FOCAD: variants seen among roughly 807,000 people sequenced by gnomAD.
FOCAD encodes the protein KIAA1797.
In FOCAD, 198 loss-of-function variants were observed where a neutral mutation model predicts 225.6. The observed-to-expected ratio is 0.88, with a 90% CI of 0.78 to 0.99. The LOEUF is 0.99. Among genes scored for constraint, FOCAD ranks in the 50% least tolerant of loss-of-function variants. The pLI is 0.00. For synonymous variants in FOCAD, 897 were observed against 755.0 expected, an observed-to-expected ratio of 1.19 and a Z score of -3.08; for missense variants, 2,713 against 2,123.6, an observed-to-expected ratio of 1.28 and a Z score of -5.46.
chr9:20,958,774 G>C (rs547558876), intron 35 of FOCAD, among the ~76,000 whole-genome samples: 1 of 152,130 alleles, frequency 6.6e-6, no homozygotes, highest in African/African-American at 2.4e-5. Context: ...CCACATATGA[G>C]TGAGAACATG....
intron 11 of FOCAD, among the ~76,000 whole-genome samples, chr9:20,794,636 A>C (rs923765896): frequency 3.3e-5 from 5 of 152,200 alleles, no homozygotes; most frequent in Non-Finnish European, 5.9e-5. Context: ...CAATACCATA[A>C]TATGTTTCCA....
At chr9:20,837,399 T>A (rs1448646160) in intron 15 of FOCAD, among the ~76,000 whole-genome samples, 2 of 152,094 alleles carry the variant, frequency 1.3e-5, no homozygotes, top group Non-Finnish European at 2.9e-5. Flanking sequence ...TCAGAGGAGC[T>A]GGGCTCAGTG....
At chr9:20,861,169 G>C (rs1242321865) in intron 15 of FOCAD, among the ~76,000 whole-genome samples, 1 of 152,156 alleles carries the variant, frequency 6.6e-6, no homozygotes, top group Non-Finnish European at 1.5e-5. Context: ...ATAGTTTAAA[G>C]TCATATCATA....
At chr9:20,979,207 A>G (rs566897483) in intron 37 of FOCAD, among the ~76,000 whole-genome samples, 2 of 152,374 alleles carry the variant, frequency 1.3e-5, no homozygotes, top group African/African-American at 4.8e-5. Context: ...AAATGCTGTC[A>G]TCTTTTAATT....
chr9:20,775,057 C>T lies in FOCAD; in HGVS notation c.907-3624C>T, dbSNP rs181644731. Among the ~76,000 whole-genome samples, 552 of 152,286 alleles carry T rather than the reference C, an allele frequency of 3.6e-3. 2 individuals carry two copies. The highest frequency in any genetic ancestry group is 0.012 in the South Asian group (57 of 4,828). On this transcript the variant is annotated intron_variant, in intron 8 of 43. Coordinates refer to ENST00000338382, the MANE Select transcript of FOCAD (RefSeq NM_001375567.1). ...TGACACCATACCCACATTTCTGTAT[C>T]GCTGGGTTTATCAGCTGGATGTCTT...
In FOCAD at chr9:20,929,223, T is replaced by TA. The variant is rs1053998683; in HGVS notation, c.3079-129dup. 7.6e-6 allele frequency: 5 copies of TA among 657,232 alleles called. No homozygotes were observed. In the Admixed American group the frequency reaches 1.1e-4, roughly 14 times the overall value. 40.7% of individuals were successfully genotyped at this position (657,232 alleles called of 1,614,324 possible). On this transcript the variant is annotated intron_variant, in intron 26 of 43. Transcript: ENST00000338382. The stretch of plus-strand genomic sequence containing the variant: ...CTATAGACAAAAACGTTTGGATTTT[T>TA]AAAAAATGTATTATTTTGGGTGTCG...
intron 15 of FOCAD, among the ~76,000 whole-genome samples, chr9:20,824,062 G>T (rs1824622383): frequency 6.6e-6 from 1 of 152,040 alleles, no homozygotes; most frequent in South Asian, 2.1e-4. Context: ...CATCATTGCT[G>T]TTTAAAAACT....
chr9:20,972,741 A>G (rs1839872097), intron 35 of FOCAD, among the ~76,000 whole-genome samples: 1 of 151,988 alleles, frequency 6.6e-6, no homozygotes, highest in Non-Finnish European at 1.5e-5. Context: ...CTGATTCCAC[A>G]TAGCTTCTCC....
chr9:20,773,516 C>G (rs78810221), intron 8 of FOCAD, among the ~76,000 whole-genome samples: 1 of 152,158 alleles, frequency 6.6e-6, no homozygotes, highest in Admixed American at 6.6e-5. Context: ...AACTTTGAAA[C>G]CATCACACAG....
intron 15 of FOCAD, among the ~76,000 whole-genome samples, chr9:20,838,542 A>G (rs1407971623): frequency 1.3e-5 from 2 of 152,136 alleles, no homozygotes; most frequent in Non-Finnish European, 2.9e-5. Context: ...AAGTGATGTC[A>G]TTGACCTTAT....
intron 26 of FOCAD, 32 bp from the exon 27 acceptor site, chr9:20,929,326 T>C (rs745444829): frequency 1.9e-6 from 3 of 1,573,266 alleles, no homozygotes; most frequent in Non-Finnish European, 2.6e-6. Context: ...TGTTTAAGGC[T>C]AACCCTGTTT....
chr9:20,780,982 G>T (rs1435525709), intron 9 of FOCAD, among the ~76,000 whole-genome samples: 1 of 152,056 alleles, frequency 6.6e-6, no homozygotes, highest in Non-Finnish European at 1.5e-5. Context: ...GCTGTAGTGG[G>T]GAAATCAGTT....
At chr9:20,782,338 A>C (rs550134642) in intron 10 of FOCAD, among the ~76,000 whole-genome samples, 3 of 152,220 alleles carry the variant, frequency 2.0e-5, no homozygotes, top group Non-Finnish European at 2.9e-5. Context: ...GGAAGTTCTC[A>C]TATCAGTAAG....
At chr9:20,850,758 A>C (rs1176797119) in intron 15 of FOCAD, among the ~76,000 whole-genome samples, 1 of 151,026 alleles carries the variant, frequency 6.6e-6, no homozygotes, top group South Asian at 2.1e-4. Context: ...CATCTGGTAC[A>C]TAATTGCTCT....
intron 4 of FOCAD, among the ~76,000 whole-genome samples, chr9:20,732,306 C>G (rs977136339): frequency 2.0e-5 from 3 of 152,152 alleles, no homozygotes; most frequent in Non-Finnish European, 4.4e-5. Context: ...GTGGTAAAAG[C>G]AGGCTTTCCT....
At chr9:20,730,611 C>G (rs1397809643) in intron 4 of FOCAD, among the ~76,000 whole-genome samples, 1 of 152,086 alleles carries the variant, frequency 6.6e-6, no homozygotes, top group Non-Finnish European at 1.5e-5. Flanking sequence ...AATCTTATTG[C>G]TATTCAGTGA....
At position 20,916,758 on chromosome 9, in the gene FOCAD, T is replaced by C. The variant is rs1008084451; in HGVS notation, c.2808-135T>C. ...GAGCCCTTATTACAGTTCTTTCACC[T>C]TATACTGAAATTCTACCTGTATAGT... On this transcript the variant is annotated intron_variant, in intron 23 of 43. Coordinates refer to ENST00000338382, the MANE Select transcript of FOCAD (RefSeq NM_001375567.1). The C allele has an allele frequency of 3.5e-5, 27 of 762,428 alleles. 1 individual carries two copies. The highest frequency in any genetic ancestry group is 3.2e-4 in the Admixed American group (10 of 31,258). 47.2% of individuals were successfully genotyped at this position (762,428 alleles called of 1,614,324 possible).
At chr9:20,995,265 C>T (rs1280760328) in intron 43 of FOCAD, among the ~76,000 whole-genome samples, 2 of 151,734 alleles carry the variant, frequency 1.3e-5, no homozygotes, top group Non-Finnish European at 2.9e-5. Context: ...ATGTAGTCAG[C>T]ACCCTCATCA....
At chr9:20,823,494 C>A (rs1208437363) in intron 15 of FOCAD, among the ~76,000 whole-genome samples, 1 of 152,030 alleles carries the variant, frequency 6.6e-6, no homozygotes, top group African/African-American at 2.4e-5. Flanking sequence ...TGGCCAGTGG[C>A]ACTTTTATAG....
Sources: gnomAD v4.1 joint callset for allele counts (sites outside exome capture counted in the v4.1 genomes callset) on GRCh38, gnomAD v4.1.1 for gene constraint, MANE v1.5 for transcripts, NCBI Gene and HGNC (gene_info 2026-07-23, HGNC 2026-07-21) for gene names.